Variants in OPA1 observed in about 807,000 individuals in gnomAD.
The protein encoded by OPA1 is OPA1 mitochondrial dynamin like GTPase.
A neutral mutation model predicts 152.9 loss-of-function variants in OPA1; 59 were observed. The ratio of observed to expected loss-of-function variants is 0.39; its 90% CI spans 0.31 to 0.48. The LOEUF (loss-of-function observed/expected upper bound fraction) is 0.48, where lower values mean the gene tolerates loss of function less well. Among genes scored for constraint, OPA1 ranks in the 20% least tolerant of loss-of-function variants. The pLI is 0.96. For missense variants in OPA1, 1,008 were observed against 1,216.8 expected (o/e 0.83, Z 2.55); for synonymous variants, 400 against 389.9 (o/e 1.03, Z -0.31).
At chr3:193,613,849 A>C in intron 1 of OPA1, 3 of 504,130 alleles carry the variant, frequency 6.0e-6, no homozygotes, top group Non-Finnish European at 1.2e-5. Flanking sequence ...AAGTGCTGGG[A>C]TTACAGGTGT....
chr3:193,639,167 A>G (rs1257564925), intron 11 of OPA1, among the ~76,000 whole-genome samples: 1 of 152,188 alleles, frequency 6.6e-6, no homozygotes, highest in Non-Finnish European at 1.5e-5. Flanking sequence ...TTGAACAGAT[A>G]TTTACGGAAT....
Position 193,613,898 on chromosome 3 carries a change from G to A in OPA1, c.33-825G>A, listed in dbSNP as rs572910949. 239 of 518,262 alleles carry A rather than the reference G, an allele frequency of 4.6e-4. 3 individuals are homozygous for A. The highest frequency in any genetic ancestry group is 3.2e-3 in the South Asian group (231 of 71,382). 32.1% of individuals were successfully genotyped at this position (518,262 alleles called of 1,614,324 possible). ...CTGCCTCCTTCTTAAGAAGTTTCCA[G>A]TCCCTTGTAATTAAAGGAATTAATA... On this transcript the variant is annotated intron_variant, in intron 1 of 30. Coordinates refer to ENST00000361510, the MANE Select transcript of OPA1 (RefSeq NM_130837.3).
chr3:193,615,731 C>G lies in OPA1; in HGVS notation c.409C>G (p.Pro137Ala). ...PDLSEYKWIV[P>A]DIVWEIDEYI... Reference sequence around the variant, plus strand: ...CCTTAGTGAATATAAATGGATTGTGCCTGACATTGTGTGGGAAATTGATGA... The same window carrying G: ...CCTTAGTGAATATAAATGGATTGTGGCTGACATTGTGTGGGAAATTGATGA... Residue 137 changes from proline (P) to alanine (A), a missense_variant, in exon 3 of 31, where the codon CCT (proline) becomes GCT (alanine). This residue lies in a region of OPA1 where 408 missense variants were observed against 395.1 expected (regional missense o/e 1.03). Transcript: ENST00000361510. 1.2e-6 allele frequency: 2 copies of G among 1,612,250 alleles called. No homozygotes were observed. Among genetic ancestry groups the G allele is most frequent in the Non-Finnish European group, 1.7e-6 (2 of 1,178,522 alleles).
At chr3:193,690,681 A>G (rs1219373900) in intron 29 of OPA1, among the ~76,000 whole-genome samples, 1 of 152,118 alleles carries the variant, frequency 6.6e-6, no homozygotes, top group African/African-American at 2.4e-5. Context: ...CGCTGGTAAA[A>G]AGGAATACAT....
chr3:193,604,885 AAAG>A (rs1158720860), intron 1 of OPA1, among the ~76,000 whole-genome samples: 1 of 151,786 alleles, frequency 6.6e-6, no homozygotes, highest in Admixed American at 6.6e-5. Context: ...AGAAAAAAGA[AAAG>A]AAAAAATTGA....
intron 6 of OPA1, among the ~76,000 whole-genome samples, chr3:193,620,948 C>T (rs1299114886): frequency 6.6e-6 from 1 of 152,188 alleles, no homozygotes; most frequent in Non-Finnish European, 1.5e-5. Context: ...TGAAATCACT[C>T]TGACATCAAG....
Position 193,662,977 on chromosome 3 carries a change from T to A in OPA1, c.2661+15T>A. 2 of 1,612,684 alleles carry A rather than the reference T, an allele frequency of 1.2e-6. No homozygotes were observed. ...ATCCAAGCTTGGTAATAAATACTGC[T>A]GAGAAGCAGGAATCTGCTTCCTTAA... On this transcript the variant is annotated intron_variant, in intron 26 of 30. Coordinates refer to ENST00000361510, the MANE Select transcript of OPA1 (RefSeq NM_130837.3).
At chr3:193,684,251 A>C (rs907565539) in intron 29 of OPA1, among the ~76,000 whole-genome samples, 3 of 152,152 alleles carry the variant, frequency 2.0e-5, no homozygotes, top group Non-Finnish European at 4.4e-5. Context: ...CTGTCCAAAC[A>C]TACAGCTATT....
intron 26 of OPA1, among the ~76,000 whole-genome samples, chr3:193,664,283 C>G (rs1715998771): frequency 6.6e-6 from 1 of 151,956 alleles, no homozygotes; most frequent in East Asian, 1.9e-4. Flanking sequence ...ATAATTGATA[C>G]CACTTTTCTG....
chr3:193,633,010 G>GT (rs1268800024), intron 8 of OPA1, among the ~76,000 whole-genome samples: 1 of 152,204 alleles, frequency 6.6e-6, no homozygotes, highest in Non-Finnish European at 1.5e-5. Context: ...TAATCAGTCA[G>GT]TAGTATGTTT....
intron 27 of OPA1, among the ~76,000 whole-genome samples, chr3:193,665,826 G>C (rs1716403799): frequency 6.6e-6 from 1 of 152,110 alleles, no homozygotes; most frequent in African/African-American, 2.4e-5. Context: ...AACTTCTGTA[G>C]AAACTGCCTT....
chr3:193,608,896 T>C (rs141905721), intron 1 of OPA1, among the ~76,000 whole-genome samples: 1 of 152,098 alleles, frequency 6.6e-6, no homozygotes, highest in African/African-American at 2.4e-5. Flanking sequence ...CCTGTATTGG[T>C]TGCATATATA....
At chr3:193,651,437 A>G (rs1712411093) in intron 21 of OPA1, among the ~76,000 whole-genome samples, 1 of 152,090 alleles carries the variant, frequency 6.6e-6, no homozygotes, top group Non-Finnish European at 1.5e-5. Flanking sequence ...GATAATGAAG[A>G]GTCTATTAAA....
At chr3:193,620,996 G>C (rs1024540850) in intron 6 of OPA1, among the ~76,000 whole-genome samples, 1 of 152,192 alleles carries the variant, frequency 6.6e-6, no homozygotes, top group Non-Finnish European at 1.5e-5. Flanking sequence ...TGGTAAGGTG[G>C]CCAGGCTTTA....
intron 1 of OPA1, among the ~76,000 whole-genome samples, chr3:193,601,224 C>T (rs567634679): frequency 1.3e-5 from 2 of 152,046 alleles, no homozygotes; most frequent in Non-Finnish European, 2.9e-5. Context: ...AGTGAGCCCC[C>T]AGGAACCCCA....
intron 10 of OPA1, 83 bp from the exon 11 acceptor site, chr3:193,637,869 A>T: frequency 8.8e-7 from 1 of 1,136,386 alleles, no homozygotes; most frequent in South Asian, 1.3e-5. Flanking sequence ...AGACTAAAAA[A>T]CTCAGAGCAG....
At chr3:193,690,563 C>T (rs6770012) in intron 29 of OPA1, among the ~76,000 whole-genome samples, 4,435 of 152,084 alleles carry the variant, frequency 0.029, 223 homozygotes, top group African/African-American at 0.1. Context: ...ATGTTACGTT[C>T]TTTATATCCA....
intron 1 of OPA1, 89 bp downstream of exon 1, chr3:193,593,498 G>A: frequency 1.5e-5 from 19 of 1,310,156 alleles, no homozygotes; most frequent in Non-Finnish European, 1.9e-5. Flanking sequence ...ATGTGCAGGT[G>A]ACTCTCAGGC....
chr3:193,644,385 C>G (rs1042685068), intron 16 of OPA1, among the ~76,000 whole-genome samples: 13 of 152,208 alleles, frequency 8.5e-5, no homozygotes, highest in Middle Eastern at 3.4e-3. Flanking sequence ...GACTCAGCTC[C>G]TAAGGTTTTC....
Sources: allele counts gnomAD v4.1 joint callset (sites outside exome capture counted in the v4.1 genomes callset), GRCh38; gene constraint gnomAD v4.1.1; regional missense constraint gnomAD v4.1.1; transcripts MANE v1.5; gene names NCBI Gene and HGNC (gene_info 2026-07-23, HGNC 2026-07-21).